Variants in THSD7A observed in about 807,000 individuals in gnomAD.
The protein encoded by THSD7A is thrombospondin type-1 domain-containing protein 7A.
THSD7A carries 96 observed loss-of-function variants against 231.3 expected under a neutral mutation model. That is an observed-to-expected ratio of 0.41 (90% confidence interval 0.35 to 0.49). The LOEUF (loss-of-function observed/expected upper bound fraction) is 0.49. THSD7A is among the 20% of genes least tolerant of loss of function. The probability of loss-of-function intolerance (pLI) is 0.05; values close to 1 mark genes in which losing one functional copy is unlikely to be tolerated. For missense variants in THSD7A, 2,290 were observed against 2,070.2 expected, an observed-to-expected ratio of 1.11 and a Z score of -2.06; for synonymous variants, 940 against 743.3, an observed-to-expected ratio of 1.26 and a Z score of -4.30.
chr7:11,548,515 T>TTA (rs2128325238), intron 4 of THSD7A, among the ~76,000 whole-genome samples: 1 of 152,154 alleles, frequency 6.6e-6, no homozygotes, highest in African/African-American at 2.4e-5. Flanking sequence ...TCTATGAGGC[T>TTA]AGCATCATTC....
intron 1 of THSD7A, among the ~76,000 whole-genome samples, chr7:11,780,853 C>T (rs1351883558): frequency 2.7e-5 from 4 of 150,496 alleles, no homozygotes; most frequent in Admixed American, 6.6e-5. Context: ...TAGCCGGGCG[C>T]GGTGGCGGGC....
intron 13 of THSD7A, among the ~76,000 whole-genome samples, chr7:11,439,731 G>C (rs568388535): frequency 6.6e-6 from 1 of 152,098 alleles, no homozygotes; most frequent in South Asian, 2.1e-4. Context: ...AGCAAGGTGA[G>C]GAAGCTACAT....
At position 11,401,910 on chromosome 7, in the gene THSD7A, A is replaced by T; in HGVS notation, c.4296T>A (p.Asn1432Lys). Residue 1432 changes from asparagine (N) to lysine (K), a missense_variant, in exon 23 of 28, where the codon AAT becomes AAA. By Grantham distance (94) the Asn-to-Lys change is moderately conservative (BLOSUM62 0). Transcript: ENST00000423059. ...SWSLCQLTCV[N>K]GEDLGFGGIQ... ...TTCCACCAAAGCCTAGATCCTCACCATTCACACAGGTCAGCTGACACAGGC... is the reference window on the plus strand; with the variant it reads ...TTCCACCAAAGCCTAGATCCTCACCTTTCACACAGGTCAGCTGACACAGGC... The T allele has an allele frequency of 6.2e-7, 1 of 1,613,856 alleles. No homozygotes were observed. Among genetic ancestry groups the T allele is most frequent in the Non-Finnish European group, 8.5e-7 (1 of 1,179,828 alleles).
intron 6 of THSD7A, among the ~76,000 whole-genome samples, chr7:11,513,540 G>C (rs957376022): frequency 6.6e-6 from 1 of 152,010 alleles, no homozygotes; most frequent in African/African-American, 2.4e-5. Flanking sequence ...AAAGAAGCCA[G>C]ACACAACAGG....
At chr7:11,770,219 AAAAG>A (rs1414173107) in intron 1 of THSD7A, among the ~76,000 whole-genome samples, 1 of 152,142 alleles carries the variant, frequency 6.6e-6, no homozygotes, top group African/African-American at 2.4e-5. Context: ...TTTAATAAAT[AAAAG>A]AATCATAGTT....
intron 1 of THSD7A, among the ~76,000 whole-genome samples, chr7:11,822,595 T>G (rs1784907493): frequency 6.6e-6 from 1 of 152,074 alleles, no homozygotes; most frequent in African/African-American, 2.4e-5. Context: ...GAATGGCAGT[T>G]CTATTTTTAG....
chr7:11,792,411 G>T (rs952447389), intron 1 of THSD7A, among the ~76,000 whole-genome samples: 3 of 151,894 alleles, frequency 2.0e-5, no homozygotes, highest in African/African-American at 7.2e-5. Flanking sequence ...TTAATCATCT[G>T]ACTCCTAACG....
At chr7:11,548,981 G>T (rs1464707904) in intron 4 of THSD7A, among the ~76,000 whole-genome samples, 5 of 151,964 alleles carry the variant, frequency 3.3e-5, no homozygotes, top group African/African-American at 1.2e-4. Flanking sequence ...CTACACAATA[G>T]GAGAAAAGTT....
At chr7:11,789,594 C>T (rs1280950087) in intron 1 of THSD7A, among the ~76,000 whole-genome samples, 2 of 151,340 alleles carry the variant, frequency 1.3e-5, no homozygotes, top group Non-Finnish European at 2.9e-5. Context: ...GAACACTCAA[C>T]ATGAGATCTA....
intron 4 of THSD7A, among the ~76,000 whole-genome samples, chr7:11,545,313 T>C (rs1285313457): frequency 6.6e-6 from 1 of 152,126 alleles, no homozygotes; most frequent in East Asian, 1.9e-4. Context: ...ATAATTTATA[T>C]AAAATAAAAT....
chr7:11,578,777 C>G (rs1395878775), intron 4 of THSD7A, among the ~76,000 whole-genome samples: 1 of 152,070 alleles, frequency 6.6e-6, no homozygotes, highest in Non-Finnish European at 1.5e-5. Flanking sequence ...AGAGGAAAAG[C>G]AAAAGAAAAG....
At chr7:11,654,706 G>C (rs556080813) in intron 1 of THSD7A, among the ~76,000 whole-genome samples, 1 of 151,928 alleles carries the variant, frequency 6.6e-6, no homozygotes, top group Non-Finnish European at 1.5e-5. Flanking sequence ...TGGCCAATCT[G>C]TATTTCAAGA....
At chr7:11,827,740 C>A (rs1279572658) in intron 1 of THSD7A, among the ~76,000 whole-genome samples, 1 of 152,148 alleles carries the variant, frequency 6.6e-6, no homozygotes, top group African/African-American at 2.4e-5. Context: ...ACTGAGTCAC[C>A]CATTCACTAA....
intron 26 of THSD7A, 54 bp from the exon 27 acceptor site, chr7:11,376,711 C>G (rs1782288378): frequency 7.5e-7 from 1 of 1,329,812 alleles, no homozygotes; most frequent in African/African-American, 1.5e-5. Flanking sequence ...ATACATGAGG[C>G]AGTCTTTAAC....
At chr7:11,511,757 T>C (rs983530517) in intron 6 of THSD7A, among the ~76,000 whole-genome samples, 2 of 152,206 alleles carry the variant, frequency 1.3e-5, no homozygotes, top group African/African-American at 4.8e-5. Context: ...CTGGATCCCT[T>C]CCTTAAACCT....
chr7:11,620,345 T>G (rs1174156054), intron 2 of THSD7A, among the ~76,000 whole-genome samples: 1 of 152,210 alleles, frequency 6.6e-6, no homozygotes, highest in Non-Finnish European at 1.5e-5. Flanking sequence ...TTGCAGTTAC[T>G]TTTGTAGATA....
intron 1 of THSD7A, among the ~76,000 whole-genome samples, chr7:11,646,596 GCTACCGAT>G (rs1782291433): frequency 6.6e-6 from 1 of 151,928 alleles, no homozygotes; most frequent in South Asian, 2.1e-4. Flanking sequence ...CCCATTTCAG[GCTACCGAT>G]CTTCCATTAC....
chr7:11,722,366 G>A (rs963242255), intron 1 of THSD7A, among the ~76,000 whole-genome samples: 3 of 151,802 alleles, frequency 2.0e-5, no homozygotes, highest in African/African-American at 4.8e-5. Flanking sequence ...GATGTCACAC[G>A]ATTTGTTACT....
At chr7:11,750,380 T>C (rs138811641) in intron 1 of THSD7A, among the ~76,000 whole-genome samples, 3 of 152,036 alleles carry the variant, frequency 2.0e-5, no homozygotes, top group Non-Finnish European at 2.9e-5. Flanking sequence ...GTCACTGCTA[T>C]TAGTGTAATC....
Sources: allele counts gnomAD v4.1 joint callset (sites outside exome capture counted in the v4.1 genomes callset), GRCh38; gene constraint gnomAD v4.1.1; transcripts MANE v1.5; gene names NCBI Gene and HGNC (gene_info 2026-07-23, HGNC 2026-07-21).